GBE1: variants seen among roughly 807,000 people sequenced by gnomAD.
The protein encoded by GBE1 is 1,4-alpha-glucan branching enzyme 1.
In GBE1, 70 loss-of-function variants were observed where a neutral mutation model predicts 88.8. That is an observed-to-expected ratio of 0.79 (90% confidence interval 0.65 to 0.96). The LOEUF (loss-of-function observed/expected upper bound fraction) is 0.96, where lower values mean the gene tolerates loss of function less well. Among genes scored for constraint, GBE1 ranks in the 40% least tolerant of loss-of-function variants. The pLI is 0.00. For missense variants in GBE1, 872 were observed against 871.0 expected (o/e 1.00, Z -0.01); for synonymous variants, 284 against 300.1 (o/e 0.95, Z 0.56).
intron 7 of GBE1, among the ~76,000 whole-genome samples, chr3:81,636,773 G>GC (rs1391793926): frequency 6.6e-6 from 1 of 151,954 alleles, no homozygotes. Flanking sequence ...CAGGTGATCA[G>GC]CCCCCCTTGG....
chr3:81,668,064 T>G (rs1022482785), intron 3 of GBE1, among the ~76,000 whole-genome samples: 1 of 152,174 alleles, frequency 6.6e-6, no homozygotes, highest in Non-Finnish European at 1.5e-5. Context: ...GATCATATCC[T>G]TTGCAGGGAC....
intron 3 of GBE1, among the ~76,000 whole-genome samples, chr3:81,660,258 G>A (rs1705004985): frequency 6.6e-6 from 1 of 152,176 alleles, no homozygotes; most frequent in Admixed American, 6.5e-5. Flanking sequence ...TCAGGCACTA[G>A]AGGTGGAAAC....
chr3:81,725,751 T>A (rs1559700133), intron 1 of GBE1, among the ~76,000 whole-genome samples: 3 of 152,224 alleles, frequency 2.0e-5, no homozygotes, highest in African/African-American at 7.2e-5. Flanking sequence ...CACTATGTGA[T>A]AAACATTTTT....
At chr3:81,681,947 A>T (rs1391038636) in intron 2 of GBE1, among the ~76,000 whole-genome samples, 1 of 152,230 alleles carries the variant, frequency 6.6e-6, no homozygotes, top group Non-Finnish European at 1.5e-5. Flanking sequence ...CAAAATTAAA[A>T]TTTTTGCATG....
intron 14 of GBE1, among the ~76,000 whole-genome samples, chr3:81,519,489 G>A (rs1457506175): frequency 2.0e-5 from 3 of 151,328 alleles, no homozygotes; most frequent in East Asian, 1.9e-4. Context: ...AAAGTATGCT[G>A]ATAAATAATT....
chr3:81,628,688 C>T (rs886944650), intron 7 of GBE1, among the ~76,000 whole-genome samples: 18 of 141,380 alleles, frequency 1.3e-4, no homozygotes, highest in African/African-American at 4.5e-4. Flanking sequence ...ATATTCTACC[C>T]ATCATTTAAG....
At chr3:81,559,663 T>C (rs779789437) in intron 12 of GBE1, among the ~76,000 whole-genome samples, 11 of 151,934 alleles carry the variant, frequency 7.2e-5, no homozygotes, top group Non-Finnish European at 1.3e-4. Flanking sequence ...CACTTGAAGA[T>C]AGCCACGTTG....
At chr3:81,587,455 C>A (rs530102776) in intron 9 of GBE1, among the ~76,000 whole-genome samples, 2 of 152,194 alleles carry the variant, frequency 1.3e-5, no homozygotes, top group Admixed American at 1.3e-4. Context: ...CTAACTGCTG[C>A]CAAATTCATA....
intron 14 of GBE1, among the ~76,000 whole-genome samples, chr3:81,529,813 T>C (rs1038958934): frequency 3.9e-5 from 6 of 152,022 alleles, no homozygotes; most frequent in Admixed American, 6.6e-5. Context: ...AAAATCTGCA[T>C]TGTGTTCTAC....
chr3:81,646,410 C>G lies in GBE1; in HGVS notation c.764G>C (p.Ser255Thr). 6.2e-7 allele frequency: 1 copy of G among 1,601,604 alleles called. No homozygotes were observed. The highest frequency in any genetic ancestry group is 8.5e-7 in the Non-Finnish European group (1 of 1,174,092). Reference sequence around the variant, plus strand: ...ATTTTACCTGGAAGCTGCAAAGAAGCTTGTGATTTGGTAACCAAAGCTGGC... The same window carrying G: ...ATTTTACCTGGAAGCTGCAAAGAAGGTTGTGATTTGGTAACCAAAGCTGGC... ...YYASFGYQIT[S>T]FFAASSRYGT... is the part of the protein sequence containing the mutation. The change falls in exon 6 of 16, where the codon AGC (serine) becomes ACC (threonine). Residue 255 changes from serine (S) to threonine (T), a missense_variant. Ser to Thr is a moderately conservative substitution (Grantham distance 58). Transcript: ENST00000429644.
At position 81,650,223 on chromosome 3, in the gene GBE1, A is replaced by T. The variant is rs145003369; in HGVS notation, c.430-302T>A. ...ACGAACAGTAGATACTAAAAAGACA[A>T]GAATATTATTTGGAAGCTTCTGTCA... On this transcript the variant is annotated intron_variant, in intron 3 of 15. Coordinates refer to ENST00000429644, the MANE Select transcript of GBE1 (RefSeq NM_000158.4). 1,332 of 193,040 alleles carry T rather than the reference A, an allele frequency of 6.9e-3. 11 individuals carry two copies. Among genetic ancestry groups the T allele is most frequent in the Non-Finnish European group, 9.9e-3 (941 of 94,906 alleles). The allele number at this position is 193,040 out of a possible 1,614,324, so 12.0% of individuals were successfully genotyped here. A position where few individuals can be genotyped will look rare whatever the true frequency, so the allele number is the denominator to read the frequency against.
intron 13 of GBE1, 69 bp from the exon 14 acceptor site, chr3:81,535,394 GTCTT>G: frequency 6.9e-7 from 1 of 1,458,528 alleles, no homozygotes; most frequent in Non-Finnish European, 9.2e-7. Flanking sequence ...ATTATTTTTT[GTCTT>G]TCTTAATAGT....
chr3:81,581,217 G>A lies in GBE1; in HGVS notation c.1394C>T (p.Thr465Ile). 1 of 1,607,480 alleles carries A rather than the reference G, an allele frequency of 6.2e-7. No individual in the cohort carries two copies. The highest frequency in any genetic ancestry group is 2.2e-5 in the East Asian group (1 of 44,576). Residue 465 changes from threonine to isoleucine, a missense_variant, in exon 11 of 16, where the codon ACA becomes ATA. By Grantham distance (89) the Thr-to-Ile change is moderately conservative. Coordinates refer to ENST00000429644, the MANE Select transcript of GBE1 (RefSeq NM_000158.4). Reference sequence around the variant, plus strand: ...GCACTTTTCAAGGTAGCGCCTGTTTGTGAGCGTGTATACTATATCGCCCAT... The same window carrying A: ...GCACTTTTCAAGGTAGCGCCTGTTTATGAGCGTGTATACTATATCGCCCAT... ...WNMGDIVYTL[T>I]NRRYLEKCIA...
At chr3:81,608,384 CT>C in intron 7 of GBE1, among the ~76,000 whole-genome samples, 1 of 152,256 alleles carries the variant, frequency 6.6e-6, no homozygotes, top group African/African-American at 2.4e-5. Context: ...AATATAAATT[CT>C]GAATGTTATT....
intron 7 of GBE1, among the ~76,000 whole-genome samples, chr3:81,609,874 A>G (rs1704156584): frequency 6.6e-6 from 1 of 152,212 alleles, no homozygotes; most frequent in Non-Finnish European, 1.5e-5. Flanking sequence ...AGAGTCTCGT[A>G]GAGCTCAAAT....
chr3:81,535,565 T>C (rs185164144), intron 13 of GBE1, among the ~76,000 whole-genome samples: 91 of 152,084 alleles, frequency 6.0e-4, no homozygotes, highest in African/African-American at 1.9e-3. Flanking sequence ...ATAGCACAAA[T>C]AGAGAAACAG....
At chr3:81,605,385 T>C (rs550334538) in intron 7 of GBE1, among the ~76,000 whole-genome samples, 1 of 152,272 alleles carries the variant, frequency 6.6e-6, no homozygotes, top group Non-Finnish European at 1.5e-5. Flanking sequence ...CATCCAGGCA[T>C]GTTATTAATG....
chr3:81,646,419 T>C lies in GBE1; in HGVS notation c.755A>G (p.Gln252Arg). ...EHAYYASFGY[Q>R]ITSFFAASSR... The stretch of plus-strand genomic sequence containing the variant: ...GGAAGCTGCAAAGAAGCTTGTGATT[T>C]GGTAACCAAAGCTGGCATAGTAAGC... The change falls in exon 6 of 16, where the codon CAA becomes CGA. Residue 252 changes from glutamine to arginine, a missense_variant. Gln to Arg is a conservative substitution (Grantham distance 43). Coordinates refer to ENST00000429644, the MANE Select transcript of GBE1 (RefSeq NM_000158.4). The C allele has an allele frequency of 6.2e-7, 1 of 1,607,376 alleles. No individual in the cohort carries two copies. Among genetic ancestry groups the C allele is most frequent in the Non-Finnish European group, 8.5e-7 (1 of 1,176,746 alleles).
chr3:81,706,853 T>C (rs1205962389), intron 1 of GBE1, among the ~76,000 whole-genome samples: 1 of 150,264 alleles, frequency 6.7e-6, no homozygotes, highest in Non-Finnish European at 1.5e-5. Flanking sequence ...TAGATAATGA[T>C]GAGTTAGACT....
Sources: gnomAD v4.1 joint callset for allele counts (sites outside exome capture counted in the v4.1 genomes callset) on GRCh38, gnomAD v4.1.1 for gene constraint, MANE v1.5 for transcripts, NCBI Gene and HGNC (gene_info 2026-07-23, HGNC 2026-07-21) for gene names.